Variants in PRKCB observed in about 807,000 individuals in gnomAD.
PRKCB encodes the protein protein kinase C beta type.
In PRKCB, 13 loss-of-function variants were observed where a neutral mutation model predicts 81.5. That is an observed-to-expected ratio of 0.16 (90% confidence interval 0.10 to 0.25). The LOEUF is 0.25. PRKCB is among the 10% of genes least tolerant of loss of function. PRKCB has a pLI of 1.00. For missense variants in PRKCB, 509 were observed against 875.7 expected (o/e 0.58, Z 5.29); for synonymous variants, 335 against 321.4 (o/e 1.04, Z -0.45).
chr16:24,217,996 A>G lies in PRKCB; in HGVS notation c.*3180A>G. 2 of 985,370 alleles carry G rather than the reference A, an allele frequency of 2.0e-6. No homozygotes were observed. Among genetic ancestry groups the G allele is most frequent in the Non-Finnish European group, 2.4e-6 (2 of 829,918 alleles). 61.0% of individuals were successfully genotyped at this position (985,370 alleles called of 1,614,324 possible). ...CTCGGGGACAATTATAAGTTGCAAA[A>G]AGGATAGAGGCATATCCCAAGTCTT... On this transcript the variant is annotated 3_prime_UTR_variant, in exon 17 of 17. Coordinates refer to ENST00000643927, the MANE Select transcript of PRKCB (RefSeq NM_002738.7).
intron 2 of PRKCB, among the ~76,000 whole-genome samples, chr16:23,960,026 C>T (rs1350025479): frequency 2.6e-5 from 4 of 152,104 alleles, no homozygotes; most frequent in South Asian, 2.1e-4. Flanking sequence ...CTTGCTCTGC[C>T]GTAGTCCATT....
Position 24,217,201 on chromosome 16 carries a change from C to T in PRKCB, c.*2385C>T. The T allele has an allele frequency of 5.1e-6, 5 of 984,660 alleles. No homozygotes were observed. Among genetic ancestry groups the T allele is most frequent in the Non-Finnish European group, 6.0e-6 (5 of 829,664 alleles). 61.0% of individuals were successfully genotyped at this position (984,660 alleles called of 1,614,324 possible). A position where few individuals can be genotyped will look rare whatever the true frequency, so the allele number is the denominator to read the frequency against. On this transcript the variant is annotated 3_prime_UTR_variant, in exon 17 of 17. Transcript: ENST00000643927. ...AGGAAGGAATATAGTGTTATAAATA[C>T]TGCACTCAACATTTTCCAAATTCTT...
intron 10 of PRKCB, among the ~76,000 whole-genome samples, chr16:24,165,883 C>CTTTTTTTTTTTT (rs71154285): frequency 5.0e-4 from 47 of 94,000 alleles, no homozygotes; most frequent in African/African-American, 6.5e-4. Flanking sequence ...TTCTTTCTTT[C>CTTTTTTTTTTTT]TTTTTTTTTT....
chr16:24,096,666 A>ATATATAGAT (rs1555496499), intron 7 of PRKCB, among the ~76,000 whole-genome samples: 1 of 32,714 alleles, frequency 3.1e-5, no homozygotes, highest in Non-Finnish European at 6.1e-5. Context: ...AAAAAAAAAA[A>ATATATAGAT]ATATATATAT....
intron 12 of PRKCB, 48 bp from the exon 13 acceptor site, chr16:24,180,742 A>T (rs370909291): frequency 4.0e-5 from 64 of 1,592,902 alleles, no homozygotes; most frequent in Middle Eastern, 3.3e-4. Context: ...GGTTGGCTTG[A>T]AATGCATAGC....
At chr16:24,114,447 G>T (rs185500145) in intron 8 of PRKCB, among the ~76,000 whole-genome samples, 3 of 151,352 alleles carry the variant, frequency 2.0e-5, no homozygotes, top group South Asian at 2.1e-4. Flanking sequence ...TCTTCCCAGA[G>T]AATAGTTTTA....
At chr16:23,959,788 C>T (rs1390125274) in intron 2 of PRKCB, among the ~76,000 whole-genome samples, 5 of 152,174 alleles carry the variant, frequency 3.3e-5, no homozygotes, top group African/African-American at 1.2e-4. Flanking sequence ...TTTATTGGCA[C>T]GATCTTGCAG....
intron 2 of PRKCB, among the ~76,000 whole-genome samples, chr16:23,839,669 C>T (rs558212915): frequency 2.0e-5 from 3 of 152,150 alleles, no homozygotes; most frequent in Non-Finnish European, 4.4e-5. Flanking sequence ...GGCTACCAGG[C>T]AAGTCCCTGT....
chr16:24,026,382 G>A (rs921694409), intron 3 of PRKCB, among the ~76,000 whole-genome samples: 1 of 152,184 alleles, frequency 6.6e-6, no homozygotes, highest in African/African-American at 2.4e-5. Flanking sequence ...ATCTCCTCTT[G>A]TTTAAGAGAC....
chr16:24,096,888 A>G (rs1247678317), intron 7 of PRKCB, among the ~76,000 whole-genome samples: 1 of 151,402 alleles, frequency 6.6e-6, no homozygotes, highest in African/African-American at 2.4e-5. Flanking sequence ...CTCATTCAGG[A>G]CCTTTTCAGC....
intron 5 of PRKCB, among the ~76,000 whole-genome samples, chr16:24,045,717 A>G (rs1479901372): frequency 6.6e-6 from 1 of 152,098 alleles, no homozygotes; most frequent in Non-Finnish European, 1.5e-5. Context: ...GCAATTCGGG[A>G]TCTCAGCTTC....
chr16:23,861,102 C>A lies in PRKCB; in HGVS notation c.205+23696C>A, dbSNP rs118031290. ...AAATTTTCATTGTGTTCTTCATACTCACCTTCTATTTATAGCAAGTGTTAC... is the reference window on the plus strand; with the variant it reads ...AAATTTTCATTGTGTTCTTCATACTAACCTTCTATTTATAGCAAGTGTTAC... On this transcript the variant is annotated intron_variant, in intron 2 of 16. Transcript: ENST00000643927. Among the ~76,000 whole-genome samples, 172 of 152,060 alleles carry A rather than the reference C, an allele frequency of 1.1e-3. 3 individuals are homozygous for A. The East Asian group carries it at 0.026, about 23-fold the overall frequency.
intron 16 of PRKCB, among the ~76,000 whole-genome samples, chr16:24,193,061 G>T (rs960890869): frequency 6.6e-6 from 1 of 152,052 alleles, no homozygotes; most frequent in African/African-American, 2.4e-5. Flanking sequence ...CAGGGCTCAT[G>T]CGATGCTCTC....
intron 5 of PRKCB, among the ~76,000 whole-genome samples, chr16:24,047,711 T>C (rs151328195): frequency 5.4e-4 from 82 of 152,308 alleles, no homozygotes; most frequent in African/African-American, 1.9e-3. Context: ...ACACCCACCA[T>C]ACCAGTGGGG....
intron 9 of PRKCB, among the ~76,000 whole-genome samples, chr16:24,144,069 G>T (rs1161511357): frequency 6.6e-6 from 1 of 152,020 alleles, no homozygotes; most frequent in Non-Finnish European, 1.5e-5. Flanking sequence ...TATGAATTTT[G>T]TTATGTTGCA....
intron 2 of PRKCB, among the ~76,000 whole-genome samples, chr16:23,910,643 A>G (rs1963637188): frequency 6.6e-6 from 1 of 151,162 alleles, no homozygotes. Flanking sequence ...CCATTTAAAA[A>G]TAATGTTTTA....
At chr16:23,851,258 G>A (rs2141082531) in intron 2 of PRKCB, among the ~76,000 whole-genome samples, 1 of 152,266 alleles carries the variant, frequency 6.6e-6, no homozygotes, top group South Asian at 2.1e-4. Flanking sequence ...GATTGTGTAT[G>A]TGGTTTGTAA....
intron 16 of PRKCB, among the ~76,000 whole-genome samples, chr16:24,209,157 T>G (rs1968094749): frequency 6.6e-6 from 1 of 152,144 alleles, no homozygotes; most frequent in Admixed American, 6.5e-5. Context: ...GAAGATGCTC[T>G]GTGTCTCAGC....
Position 23,873,186 on chromosome 16 carries a change from ACAC to A in PRKCB, c.205+35781_205+35783del, listed in dbSNP as rs200114772. Among the ~76,000 whole-genome samples, 148 of 66,770 alleles carry A rather than the reference ACAC, an allele frequency of 2.2e-3. 3 individuals are homozygous for A. Among genetic ancestry groups the A allele is most frequent in the Middle Eastern group, 0.014 (2 of 142 alleles). The allele number at this position is 66,770 out of a possible 152,430, so 43.8% of individuals were successfully genotyped here. A position where few individuals can be genotyped will look rare whatever the true frequency, so the allele number is the denominator to read the frequency against. ...CTACTAAAAACACACACACACACACACACAAAAAAAAAAAAAAAAAAAAGAAAA... is the reference window on the plus strand; with the variant it reads ...CTACTAAAAACACACACACACACACAAAAAAAAAAAAAAAAAAAAAGAAAA... On this transcript the variant is annotated intron_variant, in intron 2 of 16. Transcript: ENST00000643927.
Sources: gnomAD v4.1 joint callset for allele counts (sites outside exome capture counted in the v4.1 genomes callset) on GRCh38, gnomAD v4.1.1 for gene constraint, MANE v1.5 for transcripts, NCBI Gene and HGNC (gene_info 2026-07-23, HGNC 2026-07-21) for gene names.